The following AKR1D1 variants were observed in gnomAD, a reference collection of about 807,000 sequenced individuals.
AKR1D1 encodes delta(4)-3-ketosteroid 5-beta-reductase.
AKR1D1 carries 32 observed loss-of-function variants against 42.6 expected under a neutral mutation model. The observed-to-expected ratio is 0.75, with a 90% CI of 0.57 to 1.01. The LOEUF (loss-of-function observed/expected upper bound fraction) is 1.01, where lower values mean the gene tolerates loss of function less well. AKR1D1 is among the 50% of genes least tolerant of loss of function. The pLI, the probability that AKR1D1 is intolerant of heterozygous loss-of-function variation, is 0.00. For synonymous variants in AKR1D1, 123 were observed against 135.5 expected, an observed-to-expected ratio of 0.91 and a Z score of 0.64; for missense variants, 364 against 402.2, an observed-to-expected ratio of 0.91 and a Z score of 0.81.
chr7:138,105,466 G>T (rs529710843), intron 5 of AKR1D1, 37 bp downstream of exon 5: 67 of 1,612,836 alleles, frequency 4.2e-5, no homozygotes, highest in African/African-American at 2.3e-4. Context: ...TGTGGGGAGT[G>T]GGGGCAGGAT....
chr7:138,078,238 A>G (rs1398045342), intron 1 of AKR1D1, among the ~76,000 whole-genome samples: 1 of 152,218 alleles, frequency 6.6e-6, no homozygotes, highest in African/African-American at 2.4e-5. Context: ...CTGGAATTAT[A>G]GGCGTGAGAC....
At chr7:138,101,514 G>A (rs1003919341) in intron 4 of AKR1D1, among the ~76,000 whole-genome samples, 1 of 151,880 alleles carries the variant, frequency 6.6e-6, no homozygotes. Context: ...GCCATTTTTC[G>A]AGCCATAACA....
chr7:138,100,835 G>A (rs1241178335), intron 4 of AKR1D1, among the ~76,000 whole-genome samples: 2 of 149,768 alleles, frequency 1.3e-5, no homozygotes, highest in Admixed American at 1.3e-4. Context: ...CTCCCGAGTA[G>A]CTGGGACTAT....
At chr7:138,110,108 C>A (rs1794509589) in intron 7 of AKR1D1, among the ~76,000 whole-genome samples, 2 of 151,952 alleles carry the variant, frequency 1.3e-5, no homozygotes, top group Non-Finnish European at 2.9e-5. Context: ...AATAGACTCA[C>A]CCAATAACCA....
intron 6 of AKR1D1, chr7:138,107,157 T>A (rs1334933596): frequency 1.6e-6 from 1 of 631,028 alleles, no homozygotes; most frequent in Admixed American, 2.1e-5. Flanking sequence ...ATGCCAGCTC[T>A]CTCTATAAGA....
At chr7:138,098,086 T>C in intron 4 of AKR1D1, 143 bp downstream of exon 4, 1 of 711,888 alleles carries the variant, frequency 1.4e-6, no homozygotes, top group Non-Finnish European at 2.5e-6. Context: ...TAACCATAAG[T>C]ACAGGTATAT....
Position 138,081,506 on chromosome 7 carries a change from C to CTTTTTT in AKR1D1, c.93+4926_93+4931dup, listed in dbSNP as rs61466734. Among the ~76,000 whole-genome samples, 5 of 47,698 alleles carry CTTTTTT rather than the reference C, an allele frequency of 1.0e-4. 2 individuals carry two copies. The highest frequency in any genetic ancestry group is 2.9e-4 in the Admixed American group (1 of 3,470). The allele number at this position is 47,698 out of a possible 152,430, so 31.3% of individuals were successfully genotyped here. On this transcript the variant is annotated intron_variant, in intron 1 of 8. Transcript: ENST00000242375. The stretch of plus-strand genomic sequence containing the variant: ...TCCAAAATATAAAAGGAACTCCTAC[C>CTTTTTT]TTTTTTTTTTTTTTTTTTTTTTTTT...
chr7:138,080,312 C>G (rs191516806), intron 1 of AKR1D1, among the ~76,000 whole-genome samples: 68 of 152,250 alleles, frequency 4.5e-4, no homozygotes, highest in Admixed American at 2.5e-3. Flanking sequence ...TCAAGCAACT[C>G]TCCCACCTTG....
chr7:138,106,811 T>G, intron 6 of AKR1D1, 94 bp downstream of exon 6: 1 of 916,344 alleles, frequency 1.1e-6, no homozygotes. Flanking sequence ...GGTTTGCCTG[T>G]GCAACCTCTT....
intron 4 of AKR1D1, among the ~76,000 whole-genome samples, chr7:138,104,056 T>C (rs1794368979): frequency 6.6e-6 from 1 of 152,106 alleles, no homozygotes. Flanking sequence ...GGAGGATCTC[T>C]TGAGCCCAGA....
chr7:138,107,153 G>C (rs752864636), intron 6 of AKR1D1: 1 of 627,436 alleles, frequency 1.6e-6, no homozygotes, highest in South Asian at 1.5e-5. Context: ...CTGTATGCCA[G>C]CTCTCTCTAT....
At position 138,087,205 on chromosome 7, in the gene AKR1D1, A is replaced by G. The variant is rs79365887; in HGVS notation, c.94-1396A>G. On this transcript the variant is annotated intron_variant, in intron 1 of 8. Coordinates refer to ENST00000242375, the MANE Select transcript of AKR1D1 (RefSeq NM_005989.4). ...ACCTTGATTGCTGCATTCTCTGGAG[A>G]GGAGAAACACTATTACTCACATGAC... Among the ~76,000 whole-genome samples the G allele has an allele frequency of 3.0e-3, 457 of 152,270 alleles. 6 individuals are homozygous for G. In the East Asian group the frequency reaches 0.075, roughly 25 times the overall value.
At chr7:138,079,976 A>G (rs912709705) in intron 1 of AKR1D1, among the ~76,000 whole-genome samples, 3 of 152,196 alleles carry the variant, frequency 2.0e-5, no homozygotes, top group African/African-American at 4.8e-5. Flanking sequence ...GCTGGGTCAT[A>G]TGGCCCAAGT....
rs7799169 is a variant in AKR1D1, at chr7:138,076,464, T to C, written c.-55T>C. On this transcript the variant is annotated 5_prime_UTR_variant, in exon 1 of 9. Coordinates refer to ENST00000242375, the MANE Select transcript of AKR1D1 (RefSeq NM_005989.4). Reference sequence around the variant, plus strand: ...GATGGAATAGGCCCTAGGACACCTTTCTAAAAAGACTCCCTGTGGTGTTCA... The same window carrying C: ...GATGGAATAGGCCCTAGGACACCTTCCTAAAAAGACTCCCTGTGGTGTTCA... 6.8e-7 allele frequency: 1 copy of C among 1,475,060 alleles called. No individual in the cohort carries two copies. The allele number at this position is 1,475,060 out of a possible 1,614,324, so 91.4% of individuals were successfully genotyped here. A position where few individuals can be genotyped will look rare whatever the true frequency, so the allele number is the denominator to read the frequency against.
At chr7:138,103,318 G>A (rs1041004245) in intron 4 of AKR1D1, among the ~76,000 whole-genome samples, 1 of 152,040 alleles carries the variant, frequency 6.6e-6, no homozygotes, top group African/African-American at 2.4e-5. Context: ...ATAATAAAAG[G>A]AAAATGAACC....
At chr7:138,102,604 C>T (rs919607305) in intron 4 of AKR1D1, among the ~76,000 whole-genome samples, 4 of 152,070 alleles carry the variant, frequency 2.6e-5, no homozygotes, top group Admixed American at 2.6e-4. Context: ...ATACTAATTT[C>T]AAGAATTATT....
At chr7:138,088,558 A>C (rs1419949999) in intron 1 of AKR1D1, 43 bp from the exon 2 acceptor site, 3 of 1,601,444 alleles carry the variant, frequency 1.9e-6, no homozygotes, top group Non-Finnish European at 2.6e-6. Context: ...TAAAGGAAAG[A>C]CCATTTCTCT....
intron 4 of AKR1D1, among the ~76,000 whole-genome samples, chr7:138,103,484 A>G (rs1238694476): frequency 6.6e-6 from 1 of 152,188 alleles, no homozygotes; most frequent in Non-Finnish European, 1.5e-5. Flanking sequence ...AGTGGGATAA[A>G]TTGAAATAAA....
intron 1 of AKR1D1, among the ~76,000 whole-genome samples, chr7:138,084,512 C>T (rs1031228430): frequency 7.9e-5 from 12 of 151,952 alleles, no homozygotes; most frequent in African/African-American, 2.9e-4. Context: ...TGCCACTGCG[C>T]CAGCATAATC....
Sources: allele counts gnomAD v4.1 joint callset (sites outside exome capture counted in the v4.1 genomes callset), GRCh38; gene constraint gnomAD v4.1.1; transcripts MANE v1.5; gene names NCBI Gene and HGNC (gene_info 2026-07-23, HGNC 2026-07-21).